The following GRAMD4 variants were observed in gnomAD, a reference collection of about 807,000 sequenced individuals.
GRAMD4 encodes GRAM domain containing 4, also known as GRAM domain-containing protein 4.
GRAMD4 carries 25 observed loss-of-function variants against 83.9 expected under a neutral mutation model. The observed-to-expected ratio is 0.30, with a 90% CI of 0.22 to 0.42. The LOEUF (loss-of-function observed/expected upper bound fraction) is 0.42, where lower values mean the gene tolerates loss of function less well. GRAMD4 is among the 10% of genes least tolerant of loss of function. GRAMD4 has a pLI of 1.00. For missense variants in GRAMD4, 593 were observed against 788.7 expected (o/e 0.75, Z 2.97); for synonymous variants, 336 against 320.9 (o/e 1.05, Z -0.50).
In GRAMD4 at chr22:46,672,800, C is replaced by T; in HGVS notation, c.1085-43C>T. 1 of 1,533,724 alleles carries T rather than the reference C, an allele frequency of 6.5e-7. No individual in the cohort carries two copies. The highest frequency in any genetic ancestry group is 9.0e-7 in the Non-Finnish European group (1 of 1,116,242). Reference sequence around the variant, plus strand: ...CATCACCCTGAGTAGACTGGCATAGCTGCAGAGCTCTAGATGGAGCAGGCT... The same window carrying T: ...CATCACCCTGAGTAGACTGGCATAGTTGCAGAGCTCTAGATGGAGCAGGCT... On this transcript the variant is annotated intron_variant, in intron 13 of 18. Transcript: ENST00000406902. The surrounding 1 kb of genome is among the most constrained non-coding windows in gnomAD (Gnocchi z 4.7).
chr22:46,640,222 A>G (rs2081955768), intron 3 of GRAMD4, among the ~76,000 whole-genome samples: 1 of 152,112 alleles, frequency 6.6e-6, no homozygotes, highest in South Asian at 2.1e-4. Flanking sequence ...ACGGTTTTTC[A>G]GTCATGGGGC....
chr22:46,663,105 G>T lies in GRAMD4; in HGVS notation c.532G>T (p.Val178Leu). The change falls in exon 6 of 19, where the codon GTG becomes TTG. Residue 178 changes from valine to leucine, a missense_variant. This residue lies in a region of GRAMD4 where 312 missense variants were observed against 350.7 expected (regional missense o/e 0.89). Coordinates refer to ENST00000406902, the MANE Select transcript of GRAMD4 (RefSeq NM_015124.5). ...GTTCTACGAGCGGTTTGGGGAGTACGTGGAGGACTTCCGGTTCCAGCCCGA... is the reference window on the plus strand; with the variant it reads ...GTTCTACGAGCGGTTTGGGGAGTACTTGGAGGACTTCCGGTTCCAGCCCGA... The part of the protein sequence containing the change: ...KWFYERFGEY[V>L]EDFRFQPEEN... 6 of 1,612,046 alleles carry T rather than the reference G, an allele frequency of 3.7e-6. No individual in the cohort carries two copies. Among genetic ancestry groups the T allele is most frequent in the Non-Finnish European group, 5.1e-6 (6 of 1,179,256 alleles).
intron 3 of GRAMD4, among the ~76,000 whole-genome samples, chr22:46,656,644 C>G (rs921221476): frequency 6.6e-6 from 1 of 152,236 alleles, no homozygotes; most frequent in Non-Finnish European, 1.5e-5. Context: ...GGCTTAGAAG[C>G]CTGCCTTCAG....
intron 3 of GRAMD4, among the ~76,000 whole-genome samples, chr22:46,651,113 G>A (rs1307396230): frequency 6.6e-6 from 1 of 152,074 alleles, no homozygotes; most frequent in Non-Finnish European, 1.5e-5. Context: ...GACGGCTGAT[G>A]TGCCTTCCTA....
At chr22:46,616,663 T>C (rs1315115209), upstream of GRAMD4, among the ~76,000 whole-genome samples, 5 of 61,290 alleles carry the variant, frequency 8.2e-5, no homozygotes, top group South Asian at 7.6e-4. Context: ...TACGTTCCCC[T>C]GTGTGTAGGT....
At chr22:46,651,320 C>T (rs144491413) in intron 3 of GRAMD4, among the ~76,000 whole-genome samples, 13 of 152,332 alleles carry the variant, frequency 8.5e-5, no homozygotes, top group Non-Finnish European at 1.8e-4. Flanking sequence ...CAGCCTATTT[C>T]GGCCGGCCCT....
intron 17 of GRAMD4, 45 bp from the exon 18 acceptor site, chr22:46,676,555 G>A: frequency 1.3e-6 from 2 of 1,524,332 alleles, no homozygotes; most frequent in Non-Finnish European, 1.8e-6. Context: ...GTGCCTCCCT[G>A]TCCCCAGGAG....
chr22:46,653,753 C>G (rs1278665417), intron 3 of GRAMD4, among the ~76,000 whole-genome samples: 2 of 152,182 alleles, frequency 1.3e-5, no homozygotes, highest in African/African-American at 4.8e-5. Context: ...GCTGCCTTGA[C>G]CTTGACAGGG....
chr22:46,658,517 A>G (rs9616087), intron 4 of GRAMD4, among the ~76,000 whole-genome samples: 13,664 of 152,096 alleles, frequency 0.09, 805 homozygotes, highest in South Asian at 0.16. Context: ...GGAATGTGTC[A>G]TCTTCCTGTG....
chr22:46,603,098 G>A (rs1201016492), intron 1 of GRAMD4, among the ~76,000 whole-genome samples: 1 of 151,752 alleles, frequency 6.6e-6, no homozygotes, highest in Non-Finnish European at 1.5e-5. Flanking sequence ...ATCCTTTGTG[G>A]TGTGTGTTGA....
chr22:46,661,268 G>A (rs2082322464), intron 4 of GRAMD4, 113 bp from the exon 5 acceptor site: 2 of 765,832 alleles, frequency 2.6e-6, no homozygotes, highest in Non-Finnish European at 2.3e-6. Flanking sequence ...GAGCCCTGCT[G>A]TCCCTGACCT....
intron 14 of GRAMD4, 44 bp from the exon 15 acceptor site, chr22:46,673,626 G>T: frequency 6.3e-7 from 1 of 1,594,376 alleles, no homozygotes. Context: ...GGTGCTGCAG[G>T]CGTGGGCAGC....
chr22:46,682,412 T>A, downstream of GRAMD4: 1 of 985,012 alleles, frequency 1.0e-6, no homozygotes, highest in Non-Finnish European at 1.2e-6. Context: ...AATTCACAGG[T>A]AAATCATCAT....
intron 2 of GRAMD4, 86 bp downstream of exon 2, chr22:46,627,047 T>A (rs2081673988): frequency 2.2e-6 from 2 of 913,238 alleles, no homozygotes; most frequent in Admixed American, 3.6e-5. Flanking sequence ...TCAGGCAGAT[T>A]CGTGTCCTGC....
upstream of GRAMD4, among the ~76,000 whole-genome samples, chr22:46,617,729 G>T (rs966005304): frequency 2.0e-5 from 3 of 152,124 alleles, no homozygotes; most frequent in Admixed American, 2.0e-4. Flanking sequence ...CACCGTGCTG[G>T]CATTAGCACC....
At chr22:46,630,245 C>T (rs570792871) in intron 2 of GRAMD4, among the ~76,000 whole-genome samples, 1 of 152,224 alleles carries the variant, frequency 6.6e-6, no homozygotes, top group South Asian at 2.1e-4. Flanking sequence ...AGGCTGTTCT[C>T]GAACTCCTGA....
At chr22:46,627,862 C>T (rs901101907) in intron 2 of GRAMD4, among the ~76,000 whole-genome samples, 2 of 152,262 alleles carry the variant, frequency 1.3e-5, no homozygotes, top group African/African-American at 4.8e-5. Flanking sequence ...GGTGGGGCCG[C>T]TTGGCTTCCT....
At chr22:46,584,844 T>A (rs112315026) in intron 1 of GRAMD4, among the ~76,000 whole-genome samples, 1 of 152,220 alleles carries the variant, frequency 6.6e-6, no homozygotes, top group Non-Finnish European at 1.5e-5. Context: ...AAAGTGGGGC[T>A]GACTTAGAAC....
chr22:46,663,747 C>A, intron 6 of GRAMD4, 91 bp from the exon 7 acceptor site: 1 of 1,274,534 alleles, frequency 7.8e-7, no homozygotes, highest in Non-Finnish European at 1.1e-6. Flanking sequence ...TCCTCCCTGG[C>A]CCCTGCAGAG....
Sources: allele counts gnomAD v4.1 joint callset (sites outside exome capture counted in the v4.1 genomes callset), GRCh38; gene constraint gnomAD v4.1.1; regional missense constraint gnomAD v4.1.1; non-coding constraint Gnocchi (gnomAD v3.1); transcripts MANE v1.5; gene names NCBI Gene and HGNC (gene_info 2026-07-23, HGNC 2026-07-21).